KALRN: variants seen among roughly 807,000 people sequenced by gnomAD.
KALRN encodes kalirin RhoGEF kinase, also known as kalirin.
In KALRN, 70 loss-of-function variants were observed where a neutral mutation model predicts 353.7. That is an observed-to-expected ratio of 0.20 (90% CI 0.16 to 0.24). The LOEUF is 0.24. Ranked by LOEUF, KALRN falls within the 10% of genes least tolerant of loss-of-function variation. The pLI, the probability that KALRN is intolerant of heterozygous loss-of-function variation, is 1.00. For synonymous variants in KALRN, 1,391 were observed against 1,434.8 expected, an observed-to-expected ratio of 0.97 and a Z score of 0.69; for missense variants, 2,791 against 3,756.7, an observed-to-expected ratio of 0.74 and a Z score of 6.72.
intron 34 of KALRN, among the ~76,000 whole-genome samples, chr3:124,568,780 C>T (rs2073165405): frequency 6.6e-6 from 1 of 152,124 alleles, no homozygotes; most frequent in Admixed American, 6.5e-5. Flanking sequence ...AAATGAAATA[C>T]CTTGAGTAGT....
At chr3:124,401,992 G>A (rs2090935587) in intron 13 of KALRN, among the ~76,000 whole-genome samples, 1 of 152,152 alleles carries the variant, frequency 6.6e-6, no homozygotes, top group African/African-American at 2.4e-5. Context: ...CAGGGTCTGT[G>A]ATTACAGGAC....
At chr3:124,146,146 G>T (rs1375431777) in intron 1 of KALRN, among the ~76,000 whole-genome samples, 1 of 152,202 alleles carries the variant, frequency 6.6e-6, no homozygotes, top group Non-Finnish European at 1.5e-5. Flanking sequence ...TAAGCCCTCA[G>T]TTGTGTTTCA....
At chr3:124,717,904 C>A (rs966436278) in intron 59 of KALRN, among the ~76,000 whole-genome samples, 3 of 151,906 alleles carry the variant, frequency 2.0e-5, no homozygotes. Context: ...CTCCGCCTCC[C>A]AGGTACCAGC....
intron 17 of KALRN, among the ~76,000 whole-genome samples, chr3:124,437,443 A>C (rs1282645810): frequency 3.3e-5 from 5 of 152,244 alleles, no homozygotes; most frequent in African/African-American, 1.2e-4. Context: ...TAATCCCAGC[A>C]CTTTGGGAGG....
At chr3:124,102,033 A>G (rs1578073569) in intron 1 of KALRN, among the ~76,000 whole-genome samples, 2 of 152,168 alleles carry the variant, frequency 1.3e-5, no homozygotes, top group African/African-American at 2.4e-5. Context: ...TGAAAAGCAC[A>G]TTGGGTGATT....
At chr3:124,477,839 A>G (rs66557592) in intron 27 of KALRN, among the ~76,000 whole-genome samples, 22,083 of 136,880 alleles carry the variant, frequency 0.16, 2,408 homozygotes, top group East Asian at 0.5. Context: ...CCTTTTTTGG[A>G]AAAAAAAAAC....
chr3:124,099,890 G>A (rs561590129), intron 1 of KALRN, among the ~76,000 whole-genome samples: 1 of 152,320 alleles, frequency 6.6e-6, no homozygotes, highest in Admixed American at 6.5e-5. Context: ...CGGGCCAGGT[G>A]CAGTGGCTCA....
chr3:124,295,149 C>T (rs968613239), intron 5 of KALRN, among the ~76,000 whole-genome samples: 1 of 152,200 alleles, frequency 6.6e-6, no homozygotes, highest in Admixed American at 6.5e-5. Context: ...TGCTAGTAGG[C>T]AGCAAGTTTA....
chr3:124,098,955 C>A (rs745809551), intron 1 of KALRN, among the ~76,000 whole-genome samples: 2 of 152,140 alleles, frequency 1.3e-5, no homozygotes, highest in Admixed American at 6.5e-5. Context: ...CTGAATTAGG[C>A]TTCTAATTTC....
At chr3:124,510,492 T>C (rs762486606) in intron 33 of KALRN, among the ~76,000 whole-genome samples, 2 of 151,862 alleles carry the variant, frequency 1.3e-5, no homozygotes, top group African/African-American at 2.4e-5. Flanking sequence ...ATTTAGACTT[T>C]ATTGAGTAGC....
At chr3:124,286,230 T>C (rs1382214679) in intron 5 of KALRN, among the ~76,000 whole-genome samples, 4 of 150,972 alleles carry the variant, frequency 2.6e-5, no homozygotes, top group African/African-American at 7.3e-5. Context: ...TTTCTTTCTT[T>C]TCTTCTCTTC....
chr3:124,205,219 T>C (rs1274178310), intron 1 of KALRN, among the ~76,000 whole-genome samples: 1 of 152,158 alleles, frequency 6.6e-6, no homozygotes, highest in Non-Finnish European at 1.5e-5. Context: ...AATACTCCTA[T>C]CATAGCAGAT....
intron 33 of KALRN, among the ~76,000 whole-genome samples, chr3:124,500,941 A>T: frequency 6.6e-6 from 1 of 151,656 alleles, no homozygotes; most frequent in African/African-American, 2.4e-5. Flanking sequence ...TAATGAGGTG[A>T]CAGCCAAATA....
At chr3:124,581,718 G>A (rs767887245) in intron 34 of KALRN, among the ~76,000 whole-genome samples, 2 of 152,156 alleles carry the variant, frequency 1.3e-5, no homozygotes, top group Non-Finnish European at 1.5e-5. Context: ...GGGATTGGGT[G>A]GGTAAACCAA....
At chr3:124,488,075 A>C in intron 28 of KALRN, 129 bp from the exon 29 acceptor site, 1 of 580,244 alleles carries the variant, frequency 1.7e-6, no homozygotes, top group South Asian at 2.6e-5. Flanking sequence ...ACCCCACCTC[A>C]CTTTCTTTAT....
intron 58 of KALRN, among the ~76,000 whole-genome samples, 155 bp from the exon 59 acceptor site, chr3:124,717,092 A>G (rs556772227): frequency 6.6e-6 from 1 of 152,360 alleles, no homozygotes; most frequent in South Asian, 2.1e-4. Flanking sequence ...CAATAACTTT[A>G]GGCTCTAACT....
rs377275003 is a variant in KALRN at position 124,114,637 on chromosome 3, G to A, written c.73+80824G>A. On this transcript the variant is annotated intron_variant, in intron 1 of 59. Transcript: ENST00000682506. ...ACCCCAGGCATCCTCCAGCAACAGC[G>A]GGCAGCCAGAGCAGCAGAGGAAGGA... 3.0e-4 allele frequency among the ~76,000 whole-genome samples: 46 copies of A among 152,296 alleles called. No individual in the cohort carries two copies. The South Asian group carries it at 9.3e-3, about 31-fold the overall frequency.
intron 37 of KALRN, among the ~76,000 whole-genome samples, chr3:124,642,806 G>GTTTTTTTGTTGTTGTTATTTTTTT (rs1553707032): frequency 1.0e-5 from 1 of 96,840 alleles, no homozygotes; most frequent in Non-Finnish European, 1.9e-5. Flanking sequence ...CCCAAGCCTC[G>GTTTTTTTGTTGTTGTTATTTTTTT]TTTTTTTTTT....
intron 13 of KALRN, among the ~76,000 whole-genome samples, chr3:124,405,923 C>T (rs1576645673): frequency 6.6e-6 from 1 of 152,212 alleles, no homozygotes. Context: ...GGATTACAGG[C>T]GTGAGCCACC....
Sources: gnomAD v4.1 joint callset for allele counts (sites outside exome capture counted in the v4.1 genomes callset) on GRCh38, gnomAD v4.1.1 for gene constraint, MANE v1.5 for transcripts, NCBI Gene and HGNC (gene_info 2026-07-23, HGNC 2026-07-21) for gene names.